Variants in ST6GALNAC5 observed in about 807,000 individuals in gnomAD.
ST6GALNAC5 encodes the protein ST6 N-acetylgalactosaminide alpha-2,6-sialyltransferase 5.
Under a neutral mutation model 33.6 loss-of-function variants are expected in ST6GALNAC5, and 27 were observed. The ratio of observed to expected loss-of-function variants is 0.80; its 90% confidence interval spans 0.59 to 1.11. ST6GALNAC5 has a LOEUF of 1.11. Ranked by LOEUF, ST6GALNAC5 falls within the 50% of genes least tolerant of loss-of-function variation. ST6GALNAC5 has a pLI of 0.00. For synonymous variants in ST6GALNAC5, 194 were observed against 171.2 expected, an observed-to-expected ratio of 1.13 and a Z score of -1.04; for missense variants, 428 against 454.0, an observed-to-expected ratio of 0.94 and a Z score of 0.52.
At chr1:77,036,473 T>TA (rs1368630507) in intron 2 of ST6GALNAC5, among the ~76,000 whole-genome samples, 1 of 152,190 alleles carries the variant, frequency 6.6e-6, no homozygotes, top group African/African-American at 2.4e-5. Context: ...TGGAATTAAA[T>TA]AAAAAAACTA....
Position 76,868,523 on chromosome 1 carries a change from G to T in ST6GALNAC5, c.42G>T (p.Ala14=). The T allele has an allele frequency of 1.2e-6, 2 of 1,612,100 alleles. No homozygotes were observed. The highest frequency in any genetic ancestry group is 1.7e-6 in the Non-Finnish European group (2 of 1,178,820). The change falls in exon 2 of 5, where the codon GCG becomes GCT. Residue 14 remains alanine, a synonymous_variant. Transcript: ENST00000477717. This position sits in a 1 kb window ranked among gnomAD's most constrained non-coding sequence, Gnocchi z 4.3. ...LMRHGLAVCL[A]LTTMCTSLLL... ...GCCATGGTCTGGCAGTGTGTTTAGCGCTCACCACCATGTGCACCAGCTTGT... is the reference window on the plus strand; with the variant it reads ...GCCATGGTCTGGCAGTGTGTTTAGCTCTCACCACCATGTGCACCAGCTTGT...
At chr1:76,908,485 G>A (rs927721569) in intron 2 of ST6GALNAC5, among the ~76,000 whole-genome samples, 1 of 152,148 alleles carries the variant, frequency 6.6e-6, no homozygotes, top group African/African-American at 2.4e-5. Flanking sequence ...GTTTCAATAT[G>A]TGGATCTGAG....
intron 2 of ST6GALNAC5, among the ~76,000 whole-genome samples, chr1:77,014,303 T>G (rs770098997): frequency 2.6e-5 from 4 of 152,196 alleles, no homozygotes; most frequent in Non-Finnish European, 4.4e-5. Flanking sequence ...GGATTCCCCA[T>G]CAGGGCCTTT....
chr1:76,933,818 G>C (rs907682970), intron 2 of ST6GALNAC5, among the ~76,000 whole-genome samples: 4 of 148,432 alleles, frequency 2.7e-5, no homozygotes, highest in African/African-American at 9.9e-5. Context: ...GAGGGCAGGA[G>C]CCTCATAGAT....
At chr1:77,019,136 G>T (rs11162252) in intron 2 of ST6GALNAC5, among the ~76,000 whole-genome samples, 1,623 of 152,264 alleles carry the variant, frequency 0.011, 27 homozygotes, top group African/African-American at 0.037. Context: ...GCCAGGGCAG[G>T]GGGGAGATAC....
intron 2 of ST6GALNAC5, among the ~76,000 whole-genome samples, chr1:76,925,691 A>G (rs1270429206): frequency 6.6e-6 from 1 of 152,098 alleles, no homozygotes; most frequent in Non-Finnish European, 1.5e-5. Flanking sequence ...TATATATACA[A>G]ATAAAAACCG....
At chr1:76,934,904 A>C (rs948827512) in intron 2 of ST6GALNAC5, among the ~76,000 whole-genome samples, 1 of 152,088 alleles carries the variant, frequency 6.6e-6, no homozygotes, top group Non-Finnish European at 1.5e-5. Context: ...GAATCTATAG[A>C]TAATATTTAA....
chr1:76,997,324 G>A (rs1433018575), intron 2 of ST6GALNAC5, among the ~76,000 whole-genome samples: 1 of 152,170 alleles, frequency 6.6e-6, no homozygotes, highest in East Asian at 1.9e-4. Flanking sequence ...TAGGAACAAT[G>A]GTTCAGAAGG....
chr1:76,991,134 G>C lies in ST6GALNAC5; in HGVS notation c.262-53070G>C, dbSNP rs181366712. ...TTACTTGATTAAGTCCTCCTATGAT[G>C]GGGGGAAGACAGTGGATATGGAGGG... is the stretch of plus-strand genomic sequence containing the variant. On this transcript the variant is annotated intron_variant, in intron 2 of 4. Coordinates refer to ENST00000477717, the MANE Select transcript of ST6GALNAC5 (RefSeq NM_030965.3). Among the ~76,000 whole-genome samples, 908 of 152,172 alleles carry C rather than the reference G, an allele frequency of 6.0e-3. 9 individuals are homozygous for C. Among genetic ancestry groups the C allele is most frequent in the African/African-American group, 0.021 (861 of 41,522 alleles).
chr1:76,922,938 AAAAAAAAAAAAG>A (rs201000502), intron 2 of ST6GALNAC5, among the ~76,000 whole-genome samples: 6,833 of 150,488 alleles, frequency 0.045, 296 homozygotes, highest in African/African-American at 0.11. Context: ...CTTGCCTCAA[AAAAAAAAAAAAG>A]AAAAAAGAAA....
At chr1:77,037,354 G>T (rs1396580989) in intron 2 of ST6GALNAC5, among the ~76,000 whole-genome samples, 1 of 152,162 alleles carries the variant, frequency 6.6e-6, no homozygotes, top group Non-Finnish European at 1.5e-5. Flanking sequence ...AGCATTGGGT[G>T]TTCATGGACA....
chr1:76,879,352 A>G (rs965553783), intron 2 of ST6GALNAC5, among the ~76,000 whole-genome samples: 1 of 152,210 alleles, frequency 6.6e-6, no homozygotes, highest in Non-Finnish European at 1.5e-5. Flanking sequence ...CAGTATTAAA[A>G]GCAGAGTGGG....
At chr1:77,041,436 G>A (rs191346769) in intron 2 of ST6GALNAC5, among the ~76,000 whole-genome samples, 4 of 152,258 alleles carry the variant, frequency 2.6e-5, no homozygotes, top group Admixed American at 6.5e-5. Context: ...TTAGTTTTGC[G>A]CTAACATAAT....
At chr1:77,042,347 T>A (rs2100460097) in intron 2 of ST6GALNAC5, among the ~76,000 whole-genome samples, 1 of 152,310 alleles carries the variant, frequency 6.6e-6, no homozygotes, top group East Asian at 1.9e-4. Flanking sequence ...TCACACTGTA[T>A]TGTCCTCCTT....
chr1:76,923,652 C>T (rs9661207), intron 2 of ST6GALNAC5, among the ~76,000 whole-genome samples: 6,843 of 151,922 alleles, frequency 0.045, 290 homozygotes, highest in African/African-American at 0.11. Flanking sequence ...GAGATTACAC[C>T]GCTGCACTCC....
intron 2 of ST6GALNAC5, among the ~76,000 whole-genome samples, chr1:76,978,487 A>C (rs1391086214): frequency 6.6e-6 from 1 of 152,212 alleles, no homozygotes. Context: ...GAAGTTAGTA[A>C]ATGTGATACA....
intron 2 of ST6GALNAC5, among the ~76,000 whole-genome samples, chr1:76,900,871 A>G (rs1044594437): frequency 6.6e-6 from 1 of 152,210 alleles, no homozygotes. Flanking sequence ...TTATCAGAAA[A>G]CATAATTATT....
intron 2 of ST6GALNAC5, among the ~76,000 whole-genome samples, chr1:76,879,949 A>G (rs751248430): frequency 5.9e-5 from 9 of 152,174 alleles, no homozygotes; most frequent in Non-Finnish European, 1.2e-4. Context: ...CTTGCACGAT[A>G]AGAACTTGTG....
At chr1:77,052,494 TAG>T (rs1333716652) in intron 4 of ST6GALNAC5, among the ~76,000 whole-genome samples, 1 of 151,376 alleles carries the variant, frequency 6.6e-6, no homozygotes, top group East Asian at 1.9e-4. Flanking sequence ...ATAATAGATG[TAG>T]AGTGTTGGAT....
Sources: gnomAD v4.1 joint callset for allele counts (sites outside exome capture counted in the v4.1 genomes callset) on GRCh38, gnomAD v4.1.1 for gene constraint, Gnocchi (gnomAD v3.1) non-coding constraint, MANE v1.5 for transcripts, NCBI Gene and HGNC (gene_info 2026-07-23, HGNC 2026-07-21) for gene names.